The following PAPPA2 variants were observed in gnomAD, a reference collection of about 807,000 sequenced individuals.
PAPPA2 encodes pappalysin-2.
In PAPPA2, 86 loss-of-function variants were observed where a neutral mutation model predicts 176.4. The ratio of observed to expected loss-of-function variants is 0.49; its 90% CI spans 0.41 to 0.58. PAPPA2 has a LOEUF of 0.58. Among genes scored for constraint, PAPPA2 ranks in the 20% least tolerant of loss-of-function variants. The probability of loss-of-function intolerance (pLI) is 0.00; values close to 1 mark genes in which losing one functional copy is unlikely to be tolerated. For synonymous variants in PAPPA2, 809 were observed against 852.2 expected (o/e 0.95, Z 0.88); for missense variants, 2,073 against 2,256.9 (o/e 0.92, Z 1.65).
At chr1:176,819,568 T>C (rs1436660230) in intron 21 of PAPPA2, among the ~76,000 whole-genome samples, 1 of 152,216 alleles carries the variant, frequency 6.6e-6, no homozygotes, top group Non-Finnish European at 1.5e-5. Context: ...CTTTTGGCTC[T>C]CAAATGAGAT....
At chr1:176,709,834 G>C (rs1661060948) in intron 10 of PAPPA2, 149 bp from the exon 11 acceptor site, 1 of 629,334 alleles carries the variant, frequency 1.6e-6, no homozygotes. Context: ...ATGTGTATCT[G>C]TGTGTTTGAG....
In PAPPA2 at chr1:176,771,141, G is replaced by A; in HGVS notation, c.4676G>A (p.Gly1559Glu). The A allele has an allele frequency of 6.2e-7, 1 of 1,614,102 alleles. No individual in the cohort carries two copies. Among genetic ancestry groups the A allele is most frequent in the South Asian group, 1.1e-5 (1 of 91,066 alleles). ...ATCTGCAAATATGAATGCAAACCAG[G>A]GTACTATGTGGCAGAAAGTGCAGAG... ...GTICKYECKP[G>E]YYVAESAEGK... Residue 1559 changes from glycine (G) to glutamate (E), a missense_variant, in exon 17 of 23, where the codon GGG becomes GAG. This residue lies in a region of PAPPA2 where 846 missense variants were observed against 857.9 expected (regional missense o/e 0.99). Coordinates refer to ENST00000367662, the MANE Select transcript of PAPPA2 (RefSeq NM_020318.3).
chr1:176,727,167 A>G (rs1192027805), intron 12 of PAPPA2, among the ~76,000 whole-genome samples: 3 of 152,230 alleles, frequency 2.0e-5, no homozygotes, highest in Non-Finnish European at 2.9e-5. Flanking sequence ...TAAGAAATGA[A>G]TAATTGTTGG....
chr1:176,643,987 G>T (rs1184518202), intron 3 of PAPPA2, among the ~76,000 whole-genome samples: 1 of 151,750 alleles, frequency 6.6e-6, no homozygotes, highest in African/African-American at 2.4e-5. Flanking sequence ...TACCTCTGTG[G>T]GTGTGTATGA....
chr1:176,538,779 A>T (rs1650215692), intron 1 of PAPPA2, among the ~76,000 whole-genome samples: 2 of 152,090 alleles, frequency 1.3e-5, no homozygotes. Flanking sequence ...GCCACCTATA[A>T]ACCCTACTGC....
intron 1 of PAPPA2, among the ~76,000 whole-genome samples, chr1:176,534,305 A>T (rs1402376719): frequency 6.6e-6 from 1 of 152,114 alleles, no homozygotes; most frequent in African/African-American, 2.4e-5. Context: ...TTAGAGTCTG[A>T]GTTGACTGCT....
chr1:176,497,068 C>G (rs2102502173), intron 1 of PAPPA2, among the ~76,000 whole-genome samples: 1 of 152,256 alleles, frequency 6.6e-6, no homozygotes, highest in South Asian at 2.1e-4. Context: ...CATATATGTT[C>G]CATGTGGTCT....
chr1:176,767,565 C>A (rs1407338109), intron 15 of PAPPA2, among the ~76,000 whole-genome samples: 2 of 152,204 alleles, frequency 1.3e-5, no homozygotes, highest in African/African-American at 2.4e-5. Flanking sequence ...CCAGAATGGT[C>A]TCCATCTGCT....
intron 3 of PAPPA2, among the ~76,000 whole-genome samples, chr1:176,604,068 G>A (rs975216064): frequency 6.6e-6 from 1 of 152,118 alleles, no homozygotes. Context: ...CCTACTGCAT[G>A]ATCTTTTCAG....
chr1:176,620,349 G>A (rs377157496), intron 3 of PAPPA2, among the ~76,000 whole-genome samples: 7 of 152,114 alleles, frequency 4.6e-5, no homozygotes, highest in African/African-American at 1.7e-4. Context: ...GTCCAGCTTT[G>A]CTATTAGTTA....
At chr1:176,584,452 AGCT>A (rs1653180266) in intron 2 of PAPPA2, among the ~76,000 whole-genome samples, 1 of 151,614 alleles carries the variant, frequency 6.6e-6, no homozygotes, top group Admixed American at 6.6e-5. Context: ...ATGTAAGTAT[AGCT>A]TCTCCTGTTC....
intron 1 of PAPPA2, among the ~76,000 whole-genome samples, chr1:176,493,365 G>T (rs6656319): frequency 0.08 from 12,161 of 152,154 alleles, 607 homozygotes; most frequent in South Asian, 0.16. Context: ...AAACATTAGC[G>T]AATGAGTTTT....
At chr1:176,679,260 G>A (rs1394215338) in intron 4 of PAPPA2, among the ~76,000 whole-genome samples, 2 of 152,110 alleles carry the variant, frequency 1.3e-5, no homozygotes, top group East Asian at 3.9e-4. Flanking sequence ...TCTCCTTTAT[G>A]TGTGATGCCA....
At chr1:176,822,626 C>G (rs1335313439) in intron 21 of PAPPA2, among the ~76,000 whole-genome samples, 2 of 152,150 alleles carry the variant, frequency 1.3e-5, no homozygotes, top group East Asian at 3.8e-4. Flanking sequence ...TCCTCAGAGT[C>G]CTTTTGTAAA....
chr1:176,618,041 A>C lies in PAPPA2; in HGVS notation c.1991+22446A>C, dbSNP rs147640207. Among the ~76,000 whole-genome samples, 563 of 152,268 alleles carry C rather than the reference A, an allele frequency of 3.7e-3. 3 individuals carry two copies. The highest frequency in any genetic ancestry group is 0.013 in the African/African-American group (541 of 41,540). Reference sequence around the variant, plus strand: ...TTGGAGCTGTGAGAGTGATGTTTGGAGCAGCTAGATGACATACTAAGTGTG... The same window carrying C: ...TTGGAGCTGTGAGAGTGATGTTTGGCGCAGCTAGATGACATACTAAGTGTG... On this transcript the variant is annotated intron_variant, in intron 3 of 22. Transcript: ENST00000367662.
intron 3 of PAPPA2, among the ~76,000 whole-genome samples, chr1:176,601,283 C>T (rs898826984): frequency 6.6e-6 from 1 of 152,190 alleles, no homozygotes; most frequent in Non-Finnish European, 1.5e-5. Context: ...GCCTCCAGAA[C>T]TGCAGGAAAT....
intron 3 of PAPPA2, among the ~76,000 whole-genome samples, chr1:176,627,258 CAAAT>C (rs983975873): frequency 4.4e-4 from 67 of 152,216 alleles, no homozygotes; most frequent in African/African-American, 1.5e-3. Flanking sequence ...AAAAAGTTAT[CAAAT>C]AAATAACTAT....
At position 176,702,614 on chromosome 1, in the gene PAPPA2, A is replaced by G; in HGVS notation, c.3244A>G (p.Thr1082Ala). ...ACCCTTTGGTTTCCACAGGGAGGTC[A>G]CACCTGGACAGATGTATCAGTACCA... ...SHRKFTDVEVTPGQMYQYQVL... is the reference protein window; with the variant it reads ...SHRKFTDVEVAPGQMYQYQVL... Residue 1082 changes from threonine to alanine, a missense_variant, in exon 9 of 23, where the codon ACA becomes GCA. Coordinates refer to ENST00000367662, the MANE Select transcript of PAPPA2 (RefSeq NM_020318.3). The G allele has an allele frequency of 6.2e-7, 1 of 1,614,032 alleles. No homozygotes were observed. Among genetic ancestry groups the G allele is most frequent in the Non-Finnish European group, 8.5e-7 (1 of 1,179,940 alleles).
At chr1:176,493,294 T>C (rs1245245606) in intron 1 of PAPPA2, among the ~76,000 whole-genome samples, 2 of 152,324 alleles carry the variant, frequency 1.3e-5, no homozygotes, top group East Asian at 3.9e-4. Flanking sequence ...CAACCCCTGA[T>C]ATTTGCCTCC....
Sources: allele counts gnomAD v4.1 joint callset (sites outside exome capture counted in the v4.1 genomes callset), GRCh38; gene constraint gnomAD v4.1.1; regional missense constraint gnomAD v4.1.1; transcripts MANE v1.5; gene names NCBI Gene and HGNC (gene_info 2026-07-23, HGNC 2026-07-21).